DHRS4L2: variants seen among roughly 807,000 people sequenced by gnomAD.
The protein encoded by DHRS4L2 is dehydrogenase/reductase SDR family member 4-like 2.
A neutral mutation model predicts 23.9 loss-of-function variants in DHRS4L2; 22 were observed. That is an observed-to-expected ratio of 0.92 (90% CI 0.66 to 1.31). The LOEUF is 1.31. DHRS4L2 is among the 40% of genes most tolerant of loss of function. The pLI is 0.00. For synonymous variants in DHRS4L2, 141 were observed against 123.7 expected, an observed-to-expected ratio of 1.14 and a Z score of -0.93; for missense variants, 385 against 303.3, an observed-to-expected ratio of 1.27 and a Z score of -2.00.
intron 3 of DHRS4L2, among the ~76,000 whole-genome samples, chr14:23,999,038 G>T (rs1049003261): frequency 6.7e-6 from 1 of 149,740 alleles, no homozygotes; most frequent in African/African-American, 2.5e-5. Flanking sequence ...CAATGTAAAT[G>T]TGTCTCAGGG....
chr14:23,981,842 A>G (rs1385075044), intron 1 of DHRS4L2, among the ~76,000 whole-genome samples: 1 of 151,594 alleles, frequency 6.6e-6, no homozygotes, highest in Non-Finnish European at 1.5e-5. Context: ...GCTTCTCTCC[A>G]CCCAAACATC....
chr14:23,984,428 T>A (rs754938769), upstream of DHRS4L2, among the ~76,000 whole-genome samples: 9 of 151,614 alleles, frequency 5.9e-5, 1 homozygote, highest in Non-Finnish European at 1.0e-4. Flanking sequence ...AACAATGTCA[T>A]CAAAATGAAG....
chr14:23,998,217 T>C (rs538422187), intron 3 of DHRS4L2, among the ~76,000 whole-genome samples: 2 of 151,978 alleles, frequency 1.3e-5, no homozygotes, highest in African/African-American at 2.4e-5. Context: ...GTGCTGTTAT[T>C]CAGGCTTTGT....
upstream of DHRS4L2, chr14:23,988,760 A>C: frequency 7.2e-7 from 1 of 1,391,414 alleles, no homozygotes; most frequent in Non-Finnish European, 9.3e-7. Context: ...AGTCAGGCGG[A>C]AGGTAGCTGG....
chr14:23,995,725 A>G (rs1267527807), intron 3 of DHRS4L2, among the ~76,000 whole-genome samples: 1 of 151,868 alleles, frequency 6.6e-6, no homozygotes, highest in Non-Finnish European at 1.5e-5. Flanking sequence ...GAAAGTGTAT[A>G]ATTACATTAT....
intron 3 of DHRS4L2, among the ~76,000 whole-genome samples, chr14:23,998,735 G>T (rs1198287309): frequency 2.6e-5 from 4 of 151,206 alleles, no homozygotes; most frequent in Non-Finnish European, 4.4e-5. Context: ...TTGATCTTCT[G>T]TCCAGAACAT....
Position 24,000,935 on chromosome 14 carries a change from T to A in DHRS4L2, c.479+2T>A, listed in dbSNP as rs375757538. The A allele has an allele frequency of 5.6e-6, 9 of 1,610,978 alleles. No homozygotes were observed. The highest frequency in any genetic ancestry group is 2.2e-5 in the East Asian group (1 of 44,886). On this transcript the variant is annotated splice_donor_variant, in intron 4 of 7. Coordinates refer to ENST00000335125, the MANE Select transcript of DHRS4L2 (RefSeq NM_198083.4). LOFTEE classifies it high-confidence loss of function. ...GGTGCCAGAAATGGAGAAACGAGGG[T>A]ACAGAGAGTGAGAGAGAGCCTGGGT...
chr14:23,981,154 A>G (rs1348740629), intron 1 of DHRS4L2, among the ~76,000 whole-genome samples: 1 of 151,648 alleles, frequency 6.6e-6, no homozygotes, highest in African/African-American at 2.4e-5. Context: ...GCATTCCTAT[A>G]TGCCAATAAT....
intron 1 of DHRS4L2, among the ~76,000 whole-genome samples, chr14:23,982,805 A>T (rs2034077137): frequency 6.6e-6 from 1 of 151,512 alleles, no homozygotes. Context: ...AAAAACTGAA[A>T]CTGGACCCCT....
upstream of DHRS4L2, chr14:23,988,767 C>A (rs1403894172): frequency 1.4e-5 from 19 of 1,399,174 alleles, no homozygotes; most frequent in Admixed American, 2.0e-4. Flanking sequence ...CGGAAGGTAG[C>A]TGGCTGCGGG....
intron 1 of DHRS4L2, among the ~76,000 whole-genome samples, 189 bp downstream of exon 1, chr14:23,989,264 C>T (rs539383163): frequency 1.3e-5 from 2 of 151,754 alleles, no homozygotes; most frequent in South Asian, 4.2e-4. Flanking sequence ...GCCAGCCCTT[C>T]TGTCCCTGCT....
At chr14:23,978,938 A>G (rs2034012944) in intron 1 of DHRS4L2, among the ~76,000 whole-genome samples, 1 of 144,556 alleles carries the variant, frequency 6.9e-6, no homozygotes, top group South Asian at 2.4e-4. Context: ...TCAAATTCAC[A>G]CATAACAATA....
chr14:23,996,835 G>C (rs2034392758), intron 3 of DHRS4L2, among the ~76,000 whole-genome samples: 1 of 151,836 alleles, frequency 6.6e-6, no homozygotes, highest in Non-Finnish European at 1.5e-5. Context: ...GGGTTTCACT[G>C]TGTTGCTCAG....
chr14:23,999,121 T>A, intron 3 of DHRS4L2, among the ~76,000 whole-genome samples: 1 of 143,258 alleles, frequency 7.0e-6, no homozygotes, highest in East Asian at 2.1e-4. Context: ...CATTTTTCAA[T>A]TAAGTTGACC....
chr14:23,977,337 C>A (rs2033987049), intron 1 of DHRS4L2, among the ~76,000 whole-genome samples: 1 of 151,718 alleles, frequency 6.6e-6, no homozygotes, highest in African/African-American at 2.4e-5. Flanking sequence ...GCTGAGCCAG[C>A]ATTCTCAATG....
At chr14:23,987,504 A>G (rs1244353299), upstream of DHRS4L2, among the ~76,000 whole-genome samples, 2 of 151,612 alleles carry the variant, frequency 1.3e-5, no homozygotes, top group African/African-American at 4.8e-5. Flanking sequence ...CATGAATTCT[A>G]TTCAAAAGTC....
At chr14:23,996,891 C>T (rs1466906252) in intron 3 of DHRS4L2, among the ~76,000 whole-genome samples, 32 of 152,060 alleles carry the variant, frequency 2.1e-4, no homozygotes, top group South Asian at 2.1e-4. Context: ...CACCTCAGCC[C>T]CCCAAAATAT....
At chr14:23,976,480 A>C (rs1202037063) in intron 1 of DHRS4L2, among the ~76,000 whole-genome samples, 1 of 151,874 alleles carries the variant, frequency 6.6e-6, no homozygotes, top group South Asian at 2.1e-4. Context: ...ATGTGGAGAA[A>C]TAGGAAGGCT....
chr14:23,972,741 C>T (rs2033887014), intron 1 of DHRS4L2, among the ~76,000 whole-genome samples: 1 of 151,966 alleles, frequency 6.6e-6, no homozygotes, highest in African/African-American at 2.4e-5. Flanking sequence ...TCTGAATTCC[C>T]TCAGTTTTTA....
Sources: allele counts gnomAD v4.1 joint callset (sites outside exome capture counted in the v4.1 genomes callset), GRCh38; gene constraint gnomAD v4.1.1; transcripts MANE v1.5; gene names NCBI Gene and HGNC (gene_info 2026-07-23, HGNC 2026-07-21).